The following EFCAB5 variants were observed in gnomAD, a reference collection of about 807,000 sequenced individuals.
EFCAB5 encodes the protein EF-hand calcium binding domain 5, also known as EF-hand calcium-binding domain-containing protein 5.
EFCAB5 carries 131 observed loss-of-function variants against 167.9 expected under a neutral mutation model. The ratio of observed to expected loss-of-function variants is 0.78; its 90% CI spans 0.68 to 0.90. EFCAB5 has a LOEUF of 0.90. Among genes scored for constraint, EFCAB5 ranks in the 40% least tolerant of loss-of-function variants. EFCAB5 has a pLI of 0.00. For synonymous variants in EFCAB5, 574 were observed against 602.8 expected (o/e 0.95, Z 0.70); for missense variants, 1,663 against 1,745.2 (o/e 0.95, Z 0.84).
chr17:30,077,500 G>A (rs1180019403), intron 14 of EFCAB5, among the ~76,000 whole-genome samples: 1 of 152,070 alleles, frequency 6.6e-6, no homozygotes, highest in African/African-American at 2.4e-5. Flanking sequence ...AGTGTGGGGA[G>A]GCAGGGAATG....
chr17:30,037,638 C>G (rs1217434755), intron 8 of EFCAB5, among the ~76,000 whole-genome samples: 2 of 152,096 alleles, frequency 1.3e-5, no homozygotes, highest in African/African-American at 4.8e-5. Flanking sequence ...TCAAACATTC[C>G]TGGTGAAAAT....
rs575678488 is a variant in EFCAB5 at position 29,953,418 on chromosome 17, G to A, written c.190+9769G>A. Among the ~76,000 whole-genome samples the A allele has an allele frequency of 8.5e-5, 13 of 152,272 alleles. No homozygotes were observed. In the East Asian group the frequency reaches 1.9e-3, roughly 23 times the overall value. ...GGACCCAGTTGCAGGTAATTGAATC[G>A]TGGGGAGCAGGTCTTTTCCATGCTG... On this transcript the variant is annotated intron_variant, in intron 3 of 22. Transcript: ENST00000394835.
At position 30,040,990 on chromosome 17, in the gene EFCAB5, G is replaced by C. The variant is rs143856715; in HGVS notation, c.1200+6605G>C. On this transcript the variant is annotated intron_variant, in intron 8 of 22. Transcript: ENST00000394835. ...GGAAGTTTTAGGCTATTAGCAAATCGGGTATCAGTTTAAGAGTGTGAAGTC... is the reference window on the plus strand; with the variant it reads ...GGAAGTTTTAGGCTATTAGCAAATCCGGTATCAGTTTAAGAGTGTGAAGTC... Among the ~76,000 whole-genome samples, 25 of 152,268 alleles carry C rather than the reference G, an allele frequency of 1.6e-4. 1 individual carries two copies. The highest frequency in any genetic ancestry group is 6.0e-4 in the African/African-American group (25 of 41,546).
At chr17:30,062,483 C>A (rs2070451228) in intron 14 of EFCAB5, among the ~76,000 whole-genome samples, 1 of 152,208 alleles carries the variant, frequency 6.6e-6, no homozygotes, top group Non-Finnish European at 1.5e-5. Context: ...GGGTCCCCTG[C>A]AGTCCTCACA....
intron 6 of EFCAB5, among the ~76,000 whole-genome samples, chr17:29,998,731 A>G (rs2068597331): frequency 6.6e-6 from 1 of 152,160 alleles, no homozygotes; most frequent in South Asian, 2.1e-4. Flanking sequence ...GTGATTGAAA[A>G]ATCTTTTCTA....
chr17:30,002,623 A>G (rs968783755), intron 7 of EFCAB5, among the ~76,000 whole-genome samples: 2 of 152,144 alleles, frequency 1.3e-5, no homozygotes, highest in Admixed American at 6.5e-5. Flanking sequence ...ATGAGAAGAA[A>G]AGTCTGTTGT....
At chr17:30,099,582 G>T (rs1454699359) in intron 22 of EFCAB5, among the ~76,000 whole-genome samples, 1 of 152,146 alleles carries the variant, frequency 6.6e-6, no homozygotes, top group Non-Finnish European at 1.5e-5. Flanking sequence ...CTTTTTATGG[G>T]TCTGTTTTCA....
chr17:30,069,133 C>A, intron 14 of EFCAB5: 1 of 1,539,106 alleles, frequency 6.5e-7, no homozygotes, highest in Non-Finnish European at 9.0e-7. Context: ...AATATCTAAG[C>A]TGGAACCAGA....
At chr17:29,945,973 A>G (rs1020548771) in intron 3 of EFCAB5, among the ~76,000 whole-genome samples, 5 of 152,162 alleles carry the variant, frequency 3.3e-5, no homozygotes, top group African/African-American at 1.2e-4. Context: ...CAATAAAACA[A>G]AAAATAAATA....
In EFCAB5 at chr17:30,108,200, C is replaced by A. The variant is rs1597584806; in HGVS notation, c.*176C>A. ...AGTGCTACCTAAGAAGAAATTTAGC[C>A]AAAAAATACCCAGCTAAGGTAGCCA... On this transcript the variant is annotated 3_prime_UTR_variant, in exon 23 of 23. Coordinates refer to ENST00000394835, the MANE Select transcript of EFCAB5 (RefSeq NM_198529.4). 16 of 594,570 alleles carry A rather than the reference C, an allele frequency of 2.7e-5. No homozygotes were observed. The highest frequency in any genetic ancestry group is 2.0e-5 in the African/African-American group (1 of 50,984). The allele number at this position is 594,570 out of a possible 1,614,324, so 36.8% of individuals were successfully genotyped here. A position where few individuals can be genotyped will look rare whatever the true frequency, so the allele number is the denominator to read the frequency against.
upstream of EFCAB5, among the ~76,000 whole-genome samples, chr17:29,938,707 C>T (rs1017222763): frequency 1.4e-4 from 22 of 152,310 alleles, no homozygotes; most frequent in African/African-American, 5.3e-4. Flanking sequence ...CTTTGCCCAT[C>T]TATAAGAAGA....
upstream of EFCAB5, among the ~76,000 whole-genome samples, chr17:29,936,671 G>A (rs1194933948): frequency 6.6e-6 from 1 of 152,200 alleles, no homozygotes; most frequent in African/African-American, 2.4e-5. Context: ...TTAATAACTG[G>A]CACTTGATTG....
intron 18 of EFCAB5, among the ~76,000 whole-genome samples, chr17:30,085,272 G>T (rs994830661): frequency 1.4e-4 from 21 of 152,158 alleles, no homozygotes; most frequent in Non-Finnish European, 2.2e-4. Flanking sequence ...AGTAAAAACA[G>T]ATTCAAATTC....
intron 4 of EFCAB5, among the ~76,000 whole-genome samples, chr17:29,983,130 A>G (rs1022608714): frequency 4.6e-5 from 7 of 152,174 alleles, no homozygotes; most frequent in African/African-American, 1.7e-4. Context: ...TATCAATTAG[A>G]CTCACTCATG....
intron 7 of EFCAB5, among the ~76,000 whole-genome samples, chr17:30,001,630 A>C (rs2151656351): frequency 6.6e-6 from 1 of 152,292 alleles, no homozygotes; most frequent in South Asian, 2.1e-4. Flanking sequence ...AAATATATTA[A>C]TTTTATGATA....
intron 7 of EFCAB5, among the ~76,000 whole-genome samples, chr17:30,014,319 C>A (rs563892894): frequency 1.3e-5 from 2 of 152,258 alleles, no homozygotes; most frequent in East Asian, 3.9e-4. Context: ...TCTATTAGGT[C>A]TGCTTAGTGC....
chr17:30,059,073 A>C (rs2070353167), intron 13 of EFCAB5: 1 of 151,974 alleles, frequency 6.6e-6, no homozygotes, highest in South Asian at 2.1e-4. Context: ...CAAGGTTAGC[A>C]GTGGGAGGTT....
chr17:30,053,164 T>C, intron 9 of EFCAB5, 91 bp from the exon 10 acceptor site: 1 of 1,410,028 alleles, frequency 7.1e-7, no homozygotes, highest in East Asian at 2.3e-5. Context: ...ACAATTTCTG[T>C]GCTCAATGCT....
intron 9 of EFCAB5, among the ~76,000 whole-genome samples, chr17:30,051,672 C>G (rs2070102222): frequency 2.0e-5 from 3 of 152,256 alleles, no homozygotes; most frequent in Middle Eastern, 3.4e-3. Flanking sequence ...ATTCTCCCAC[C>G]TCAGCCACCT....
Sources: allele counts gnomAD v4.1 joint callset (sites outside exome capture counted in the v4.1 genomes callset), GRCh38; gene constraint gnomAD v4.1.1; transcripts MANE v1.5; gene names NCBI Gene and HGNC (gene_info 2026-07-23, HGNC 2026-07-21).